ABAT: variants seen among roughly 807,000 people sequenced by gnomAD.
ABAT encodes the protein 4-aminobutyrate aminotransferase.
In ABAT, 45 loss-of-function variants were observed where a neutral mutation model predicts 64.6. That is an observed-to-expected ratio of 0.70 (90% CI 0.55 to 0.89). ABAT has a LOEUF of 0.89. Ranked by LOEUF, ABAT falls within the 40% of genes least tolerant of loss-of-function variation. The pLI is 0.00. For synonymous variants in ABAT, 297 were observed against 250.5 expected (o/e 1.19, Z -1.75); for missense variants, 633 against 658.4 (o/e 0.96, Z 0.42).
At chr16:8,686,422 G>C (rs1311002686) in intron 1 of ABAT, among the ~76,000 whole-genome samples, 2 of 152,226 alleles carry the variant, frequency 1.3e-5, no homozygotes, top group Non-Finnish European at 2.9e-5. Context: ...GGCTGGCAGG[G>C]TGAGTGGGAG....
rs1476713809 is a variant in ABAT at position 8,783,186 on chromosome 16, T to G, written c.*1756T>G. On this transcript the variant is annotated 3_prime_UTR_variant, in exon 16 of 16. Coordinates refer to ENST00000268251, the MANE Select transcript of ABAT (RefSeq NM_020686.6). ...GGTTTTCCTCATTTTTATATTCATT[T>G]ATTCATCATTCATTCATTCACCTAA... 7 of 152,050 alleles carry G rather than the reference T, an allele frequency of 4.6e-5. No homozygotes were observed. In the East Asian group the frequency reaches 1.3e-3, roughly 29 times the overall value. 9.4% of individuals were successfully genotyped at this position (152,050 alleles called of 1,614,324 possible).
chr16:8,769,557 CAAAAAAAAAAAA>C (rs35002036), intron 11 of ABAT, among the ~76,000 whole-genome samples: 13 of 86,766 alleles, frequency 1.5e-4, no homozygotes, highest in African/African-American at 4.5e-4. Flanking sequence ...AGACTCTGTC[CAAAAAAAAAAAA>C]AAAAAAAAAA....
intron 5 of ABAT, among the ~76,000 whole-genome samples, chr16:8,753,177 T>C (rs2059542670): frequency 6.6e-6 from 1 of 150,654 alleles, no homozygotes; most frequent in Non-Finnish European, 1.5e-5. Context: ...CACTGCAAGC[T>C]CTGCCTCCTG....
chr16:8,689,867 T>C (rs190380880), intron 1 of ABAT, among the ~76,000 whole-genome samples: 1 of 152,164 alleles, frequency 6.6e-6, no homozygotes. Flanking sequence ...AGGAAGGTGC[T>C]ATGCACAGAA....
intron 2 of ABAT, among the ~76,000 whole-genome samples, chr16:8,745,511 A>G (rs2059303260): frequency 6.6e-6 from 1 of 152,002 alleles, no homozygotes; most frequent in African/African-American, 2.4e-5. Context: ...AGCCTGGGCA[A>G]CATGGCGAAA....
chr16:8,738,292 G>C (rs2059042405), intron 2 of ABAT, among the ~76,000 whole-genome samples: 1 of 152,074 alleles, frequency 6.6e-6, no homozygotes. Flanking sequence ...CAGCACTCCA[G>C]CCTGGGTGGC....
At chr16:8,703,179 G>A (rs971991242) in intron 1 of ABAT, among the ~76,000 whole-genome samples, 1 of 152,104 alleles carries the variant, frequency 6.6e-6, no homozygotes, top group African/African-American at 2.4e-5. Flanking sequence ...GGGTGCAGTG[G>A]CTCACACCTG....
intron 6 of ABAT, 42 bp downstream of exon 6, chr16:8,757,848 A>G (rs879171022): frequency 1.3e-6 from 2 of 1,591,704 alleles, no homozygotes; most frequent in Non-Finnish European, 1.7e-6. Context: ...AAATATGTTC[A>G]TGGCCATTCA....
intron 1 of ABAT, among the ~76,000 whole-genome samples, chr16:8,709,948 C>A (rs926807415): frequency 5.9e-5 from 9 of 151,886 alleles, no homozygotes; most frequent in Non-Finnish European, 1.2e-4. Context: ...GGACTACAGA[C>A]GTATGCTGCC....
intron 2 of ABAT, among the ~76,000 whole-genome samples, chr16:8,742,708 T>C (rs1417562673): frequency 1.3e-5 from 2 of 151,472 alleles, no homozygotes; most frequent in African/African-American, 2.4e-5. Flanking sequence ...CTGCCAAAAA[T>C]GCAAAAAATT....
chr16:8,779,347 C>G, intron 14 of ABAT, 132 bp from the exon 15 acceptor site: 1 of 745,762 alleles, frequency 1.3e-6, no homozygotes, highest in Non-Finnish European at 2.4e-6. Context: ...CTCTTAACCC[C>G]CTGGAGGTCC....
chr16:8,761,692 C>T (rs190974941), intron 6 of ABAT, among the ~76,000 whole-genome samples: 39 of 152,324 alleles, frequency 2.6e-4, no homozygotes, highest in Middle Eastern at 3.4e-3. Flanking sequence ...ATGCCCAGGG[C>T]AGTAGGCCGG....
chr16:8,766,970 A>AAAAAC (rs1265294065), intron 9 of ABAT, among the ~76,000 whole-genome samples: 1 of 152,186 alleles, frequency 6.6e-6, no homozygotes, highest in African/African-American at 2.4e-5. Context: ...ACTCCATCTC[A>AAAAAC]AAAACAAAAC....
At chr16:8,760,410 A>G (rs2059762604) in intron 6 of ABAT, 1 of 152,248 alleles carries the variant, frequency 6.6e-6, no homozygotes, top group South Asian at 2.1e-4. Flanking sequence ...CCTAGCCCTA[A>G]AACGTACTTC....
intron 1 of ABAT, among the ~76,000 whole-genome samples, chr16:8,692,216 A>G (rs1487552334): frequency 6.6e-6 from 1 of 152,046 alleles, no homozygotes; most frequent in Non-Finnish European, 1.5e-5. Context: ...CTTTGTCCCT[A>G]CAGAAAATAA....
intron 1 of ABAT, among the ~76,000 whole-genome samples, chr16:8,730,605 T>C (rs1242129872): frequency 1.3e-5 from 2 of 152,140 alleles, no homozygotes; most frequent in Admixed American, 1.3e-4. Context: ...CTATATGCTG[T>C]CATCACAGAA....
intron 6 of ABAT, among the ~76,000 whole-genome samples, chr16:8,760,758 C>G (rs560366664): frequency 6.6e-6 from 1 of 152,342 alleles, no homozygotes; most frequent in South Asian, 2.1e-4. Flanking sequence ...CAGAAGCGTC[C>G]TCAACAACAC....
intron 12 of ABAT, among the ~76,000 whole-genome samples, chr16:8,773,648 C>T (rs1323672046): frequency 6.6e-6 from 1 of 152,162 alleles, no homozygotes; most frequent in African/African-American, 2.4e-5. Context: ...GACACTAGAT[C>T]TTATTCTTCT....
intron 1 of ABAT, among the ~76,000 whole-genome samples, chr16:8,688,517 T>C (rs2057508247): frequency 6.6e-6 from 1 of 151,540 alleles, no homozygotes; most frequent in African/African-American, 2.4e-5. Flanking sequence ...GAATAGGCAA[T>C]CATGGCACGT....
Sources: gnomAD v4.1 joint callset for allele counts (sites outside exome capture counted in the v4.1 genomes callset) on GRCh38, gnomAD v4.1.1 for gene constraint, MANE v1.5 for transcripts, NCBI Gene and HGNC (gene_info 2026-07-23, HGNC 2026-07-21) for gene names.